FERMT2: variants seen among roughly 807,000 people sequenced by gnomAD.
FERMT2 encodes the protein FERM domain containing kindlin 2, also known as fermitin family homolog 2.
In FERMT2, 15 loss-of-function variants were observed where a neutral mutation model predicts 82.7. The ratio of observed to expected loss-of-function variants is 0.18; its 90% CI spans 0.12 to 0.28. FERMT2 has a LOEUF of 0.28. Among genes scored for constraint, FERMT2 ranks in the 10% least tolerant of loss-of-function variants. The pLI is 1.00. For missense variants in FERMT2, 645 were observed against 809.4 expected, an observed-to-expected ratio of 0.80 and a Z score of 2.46; for synonymous variants, 274 against 271.5, an observed-to-expected ratio of 1.01 and a Z score of -0.09.
intron 2 of FERMT2, among the ~76,000 whole-genome samples, chr14:52,932,780 T>C (rs1889649161): frequency 6.6e-6 from 1 of 152,230 alleles, no homozygotes; most frequent in African/African-American, 2.4e-5. Flanking sequence ...TTACTCTTAA[T>C]CTATTTCTAG....
At chr14:52,884,224 C>T (rs1278638627) in intron 4 of FERMT2, among the ~76,000 whole-genome samples, 1 of 152,226 alleles carries the variant, frequency 6.6e-6, no homozygotes, top group African/African-American at 2.4e-5. Context: ...CTATTATTCT[C>T]ACTTCAGAGG....
chr14:52,935,600 C>A (rs1040403540), intron 2 of FERMT2, among the ~76,000 whole-genome samples: 2 of 152,170 alleles, frequency 1.3e-5, no homozygotes, highest in African/African-American at 2.4e-5. Context: ...ACCAACCATG[C>A]TGACATCCTG....
intron 4 of FERMT2, among the ~76,000 whole-genome samples, chr14:52,886,733 T>G (rs1411963303): frequency 1.3e-5 from 2 of 152,172 alleles, no homozygotes; most frequent in Non-Finnish European, 2.9e-5. Flanking sequence ...TACCCACTTG[T>G]GCATATAAAC....
At chr14:52,904,557 G>C (rs961807392) in intron 3 of FERMT2, among the ~76,000 whole-genome samples, 4 of 151,410 alleles carry the variant, frequency 2.6e-5, no homozygotes, top group Non-Finnish European at 5.9e-5. Context: ...GCCAGGCATG[G>C]TGGCATGTGC....
intron 4 of FERMT2, among the ~76,000 whole-genome samples, chr14:52,889,309 C>A (rs761394845): frequency 3.2e-4 from 48 of 152,142 alleles, no homozygotes; most frequent in Non-Finnish European, 4.9e-4. Flanking sequence ...AATAAAGAGG[C>A]CACAAATGTC....
At chr14:52,942,772 C>G (rs1890151363) in intron 2 of FERMT2, among the ~76,000 whole-genome samples, 4 of 152,176 alleles carry the variant, frequency 2.6e-5, no homozygotes, top group Non-Finnish European at 5.9e-5. Context: ...GTGCCTCCAT[C>G]AGCACCTACT....
intron 10 of FERMT2, among the ~76,000 whole-genome samples, chr14:52,866,516 C>A (rs532038855): frequency 6.6e-6 from 1 of 152,280 alleles, no homozygotes; most frequent in African/African-American, 2.4e-5. Context: ...AAAATCTGCA[C>A]CCTAGGTAAA....
chr14:52,905,171 A>G (rs1887928011), intron 3 of FERMT2, among the ~76,000 whole-genome samples: 1 of 143,572 alleles, frequency 7.0e-6, no homozygotes, highest in South Asian at 2.4e-4. Context: ...CCTGGGGAAC[A>G]GAGCGAGACT....
rs1285426715 is a variant in FERMT2, at chr14:52,939,054, T to A, written c.157+11358A>T. Among the ~76,000 whole-genome samples, 4 of 151,868 alleles carry A rather than the reference T, an allele frequency of 2.6e-5. No homozygotes were observed. In the East Asian group the frequency reaches 7.7e-4, roughly 29 times the overall value. On this transcript the variant is annotated intron_variant, in intron 2 of 14. Coordinates refer to ENST00000341590, the MANE Select transcript of FERMT2 (RefSeq NM_006832.3). Reference sequence around the variant, plus strand: ...AATTCCTAATATGGTAAAGAGTATGTCAGACCTATTTGGCTTCTGGCTGGG... The same window carrying A: ...AATTCCTAATATGGTAAAGAGTATGACAGACCTATTTGGCTTCTGGCTGGG...
intron 3 of FERMT2, among the ~76,000 whole-genome samples, chr14:52,913,680 CAGTAGTAGTAGTAGTAGT>C (rs60319673): frequency 6.8e-6 from 1 of 147,764 alleles, no homozygotes; most frequent in Non-Finnish European, 1.5e-5. Context: ...CAGCCAAAAA[CAGTAGTAGTAGTAGTAGT>C]AGTAGTAGTA....
intron 2 of FERMT2, among the ~76,000 whole-genome samples, chr14:52,938,395 C>T (rs960817785): frequency 2.2e-4 from 33 of 152,126 alleles, no homozygotes; most frequent in African/African-American, 7.2e-4. Flanking sequence ...TACTAATTAT[C>T]AAGAATTGTT....
chr14:52,914,115 T>C, intron 3 of FERMT2, among the ~76,000 whole-genome samples: 1 of 151,986 alleles, frequency 6.6e-6, no homozygotes, highest in Admixed American at 6.6e-5. Context: ...GTAATCCTAC[T>C]GCTTTGGGAG....
At chr14:52,866,274 C>A (rs144492683) in intron 10 of FERMT2, among the ~76,000 whole-genome samples, 55 of 152,284 alleles carry the variant, frequency 3.6e-4, no homozygotes, top group African/African-American at 1.3e-3. Flanking sequence ...TGGACTTCCT[C>A]AGTTACCCAA....
At chr14:52,933,587 G>A (rs1383265207) in intron 2 of FERMT2, among the ~76,000 whole-genome samples, 1 of 151,666 alleles carries the variant, frequency 6.6e-6, no homozygotes, top group Non-Finnish European at 1.5e-5. Flanking sequence ...GCACATGCCT[G>A]TAATCCCAGC....
chr14:52,863,426 G>C (rs1885075510), intron 12 of FERMT2: 1 of 152,004 alleles, frequency 6.6e-6, no homozygotes, highest in Non-Finnish European at 1.5e-5. Flanking sequence ...TATTTTAAAG[G>C]TCTTCGTCTC....
rs759776929 is a variant in FERMT2, at chr14:52,919,222, G to C, written c.292C>G (p.Leu98Val). The C allele has an allele frequency of 1.2e-6, 2 of 1,614,014 alleles. No homozygotes were observed. The highest frequency in any genetic ancestry group is 2.7e-5 in the African/African-American group (2 of 74,934). Residue 98 changes from leucine to valine, a missense_variant, in exon 3 of 15, where the codon CTG becomes GTG. Transcript: ENST00000341590. The stretch of plus-strand genomic sequence containing the variant: ...ATGTTGGGAAGCTGCAGGCGGAGCA[G>C]TTTGTGCTGAGGGGTGAACTGAAGC... ...AKLQFTPQHK[L>V]LRLQLPNMKY...
rs1886259063 is a variant in FERMT2 at position 52,880,964 on chromosome 14, C to CA, written c.855+71dup. The CA allele has an allele frequency of 5.1e-6, 5 of 978,750 alleles. No individual in the cohort carries two copies. In the South Asian group the frequency reaches 8.0e-5, roughly 16 times the overall value. The allele number at this position is 978,750 out of a possible 1,614,324, so 60.6% of individuals were successfully genotyped here. ...AATAATTCCTTATTCCACCGACTTC[C>CA]AAAAACAAACATCCATGTGAACAAA... On this transcript the variant is annotated intron_variant, in intron 6 of 14. Coordinates refer to ENST00000341590, the MANE Select transcript of FERMT2 (RefSeq NM_006832.3).
At position 52,877,262 on chromosome 14, in the gene FERMT2, A is replaced by G. The variant is rs551609769; in HGVS notation, c.963+1320T>C. 9.8e-5 allele frequency among the ~76,000 whole-genome samples: 15 copies of G among 152,316 alleles called. No homozygotes were observed. In the South Asian group the frequency reaches 3.1e-3, roughly 32 times the overall value. Reference sequence around the variant, plus strand: ...GGTCTTTCACACATATTTTACAGGTATTATTATTCTATCATTGGCAAAACC... The same window carrying G: ...GGTCTTTCACACATATTTTACAGGTGTTATTATTCTATCATTGGCAAAACC... On this transcript the variant is annotated intron_variant, in intron 7 of 14. Transcript: ENST00000341590.
chr14:52,925,570 A>G (rs1280342933), intron 2 of FERMT2, among the ~76,000 whole-genome samples: 3 of 151,782 alleles, frequency 2.0e-5, no homozygotes, highest in Non-Finnish European at 2.9e-5. Flanking sequence ...AAAAAAAAAA[A>G]AAAAAAAAGC....
Sources: gnomAD v4.1 joint callset for allele counts (sites outside exome capture counted in the v4.1 genomes callset) on GRCh38, gnomAD v4.1.1 for gene constraint, MANE v1.5 for transcripts, NCBI Gene and HGNC (gene_info 2026-07-23, HGNC 2026-07-21) for gene names.